The following COX10 variants were observed in gnomAD, a reference collection of about 807,000 sequenced individuals.
COX10 encodes the protein cytochrome c oxidase assembly factor heme A:farnesyltransferase COX10.
COX10 carries 27 observed loss-of-function variants against 37.3 expected under a neutral mutation model. The ratio of observed to expected loss-of-function variants is 0.72; its 90% CI spans 0.53 to 1.00. The LOEUF (loss-of-function observed/expected upper bound fraction) is 1.00, where lower values mean the gene tolerates loss of function less well. Ranked by LOEUF, COX10 falls within the 50% of genes least tolerant of loss-of-function variation. The probability of loss-of-function intolerance (pLI) is 0.00; values close to 1 mark genes in which losing one functional copy is unlikely to be tolerated. For missense variants in COX10, 475 were observed against 563.2 expected (o/e 0.84, Z 1.59); for synonymous variants, 222 against 229.1 (o/e 0.97, Z 0.28).
chr17:14,108,517 G>C lies in COX10; in HGVS notation c.624+6275G>C, dbSNP rs555023047. Reference sequence around the variant, plus strand: ...TAATTAGAAAGGTAAGTGTGACAAGGGTATGTTATCTTTGGGATCTAGTGT... The same window carrying C: ...TAATTAGAAAGGTAAGTGTGACAAGCGTATGTTATCTTTGGGATCTAGTGT... On this transcript the variant is annotated intron_variant, in intron 4 of 6. Transcript: ENST00000261643. Among the ~76,000 whole-genome samples, 19 of 152,078 alleles carry C rather than the reference G, an allele frequency of 1.2e-4. No homozygotes were observed. In the South Asian group the frequency reaches 3.7e-3, roughly 30 times the overall value.
At chr17:14,117,820 A>T (rs1259056806) in intron 4 of COX10, among the ~76,000 whole-genome samples, 1 of 152,148 alleles carries the variant, frequency 6.6e-6, no homozygotes, top group Non-Finnish European at 1.5e-5. Flanking sequence ...GGCTTTCTGT[A>T]TCCCACGTTC....
At chr17:14,204,460 C>T (rs1906635330) in intron 6 of COX10, among the ~76,000 whole-genome samples, 1 of 151,814 alleles carries the variant, frequency 6.6e-6, no homozygotes, top group African/African-American at 2.4e-5. Context: ...GATACCTCCT[C>T]CCTCTCTCCT....
chr17:14,072,744 T>G (rs146521328), intron 1 of COX10, among the ~76,000 whole-genome samples: 50 of 152,298 alleles, frequency 3.3e-4, no homozygotes, highest in African/African-American at 1.2e-3. Context: ...CTAAGAAAAT[T>G]GTGATGTATT....
intron 3 of COX10, among the ~76,000 whole-genome samples, chr17:14,099,200 G>C (rs1597500024): frequency 6.6e-6 from 1 of 152,056 alleles, no homozygotes; most frequent in East Asian, 1.9e-4. Flanking sequence ...AGGAGATTCA[G>C]ATGCACACCA....
chr17:14,104,524 A>G (rs1242481574), intron 4 of COX10, among the ~76,000 whole-genome samples: 2 of 152,170 alleles, frequency 1.3e-5, no homozygotes, highest in Non-Finnish European at 2.9e-5. Context: ...CTAGTGTTCA[A>G]ATTAAAAATA....
intron 6 of COX10, among the ~76,000 whole-genome samples, chr17:14,200,807 A>G (rs1282842644): frequency 6.6e-6 from 1 of 152,250 alleles, no homozygotes; most frequent in African/African-American, 2.4e-5. Context: ...AAATGGGAAG[A>G]TACAGTTAAA....
At position 14,090,030 on chromosome 17, in the gene COX10, T is replaced by C. The variant is rs530965529; in HGVS notation, c.500-12088T>C. Among the ~76,000 whole-genome samples the C allele has an allele frequency of 1.1e-4, 16 of 152,132 alleles. No individual in the cohort carries two copies. The South Asian group carries it at 3.3e-3, about 32-fold the overall frequency. On this transcript the variant is annotated intron_variant, in intron 3 of 6. Coordinates refer to ENST00000261643, the MANE Select transcript of COX10 (RefSeq NM_001303.4). ...TGAATTCTTACCTTTTTTTGCTTCTTCTCTCCTCTGCCTGTTCTCCCGCTT... is the reference window on the plus strand; with the variant it reads ...TGAATTCTTACCTTTTTTTGCTTCTCCTCTCCTCTGCCTGTTCTCCCGCTT...
intron 4 of COX10, among the ~76,000 whole-genome samples, chr17:14,117,514 A>C (rs994709086): frequency 6.6e-6 from 1 of 152,198 alleles, no homozygotes; most frequent in Non-Finnish European, 1.5e-5. Flanking sequence ...ATCACATCCT[A>C]TATCTCTGAA....
chr17:14,158,209 T>A (rs1905086972), intron 4 of COX10, among the ~76,000 whole-genome samples: 1 of 151,864 alleles, frequency 6.6e-6, no homozygotes, highest in South Asian at 2.1e-4. Flanking sequence ...AAAATGTCAT[T>A]GTGTTTAGGA....
chr17:14,100,593 G>A (rs1915754641), intron 3 of COX10, among the ~76,000 whole-genome samples: 1 of 152,176 alleles, frequency 6.6e-6, no homozygotes, highest in African/African-American at 2.4e-5. Context: ...ACAAGAAAGA[G>A]CTTGGAATGC....
chr17:14,150,963 G>A (rs1370647557), intron 4 of COX10, among the ~76,000 whole-genome samples: 2 of 152,134 alleles, frequency 1.3e-5, no homozygotes, highest in East Asian at 1.9e-4. Flanking sequence ...TTTGTCTTTT[G>A]TTGTCAGCAC....
chr17:14,098,610 AG>A (rs1485065572), intron 3 of COX10, among the ~76,000 whole-genome samples: 5 of 152,188 alleles, frequency 3.3e-5, no homozygotes, highest in Admixed American at 1.3e-4. Flanking sequence ...CTTTAAAAAT[AG>A]TGCCTTTCTT....
rs566023487 is a variant in COX10, at chr17:14,175,647, G to A, written c.695+15700G>A. ...CTGATCCCTGCCTTCATTCCAGTCC[G>A]GTGGAGAAGGTAGAACTTTAGCCAG... On this transcript the variant is annotated intron_variant, in intron 5 of 6. Transcript: ENST00000261643. Among the ~76,000 whole-genome samples the A allele has an allele frequency of 5.9e-5, 9 of 152,144 alleles. No homozygotes were observed. In the South Asian group the frequency reaches 1.7e-3, roughly 28 times the overall value.
intron 4 of COX10, among the ~76,000 whole-genome samples, chr17:14,133,553 G>A (rs914795681): frequency 2.6e-5 from 4 of 151,526 alleles, no homozygotes; most frequent in Admixed American, 2.6e-4. Context: ...TATACTCAGT[G>A]TAATATAAAA....
chr17:14,145,207 T>C (rs1463660780), intron 4 of COX10, among the ~76,000 whole-genome samples: 2 of 151,962 alleles, frequency 1.3e-5, no homozygotes, highest in Admixed American at 6.6e-5. Flanking sequence ...GGGGGCGCTG[T>C]GTAGAAACAT....
chr17:14,113,383 C>T (rs113895495), intron 4 of COX10, among the ~76,000 whole-genome samples: 1,687 of 152,108 alleles, frequency 0.011, 14 homozygotes, highest in South Asian at 0.016. Flanking sequence ...GTCTTGACTC[C>T]TCCACCCCAA....
chr17:14,072,584 A>G (rs1225802553), intron 1 of COX10, among the ~76,000 whole-genome samples: 2 of 152,134 alleles, frequency 1.3e-5, no homozygotes, highest in Non-Finnish European at 2.9e-5. Context: ...CGAACTCCTA[A>G]CCTCAGGTAA....
chr17:14,173,730 G>A (rs1296804121), intron 5 of COX10, among the ~76,000 whole-genome samples: 2 of 152,192 alleles, frequency 1.3e-5, no homozygotes, highest in African/African-American at 4.8e-5. Context: ...GCAAGAGAGA[G>A]AAAGAAAAGG....
chr17:14,183,760 T>C (rs1597541146), intron 5 of COX10, among the ~76,000 whole-genome samples: 1 of 152,264 alleles, frequency 6.6e-6, no homozygotes, highest in South Asian at 2.1e-4. Context: ...TCTATTTAAA[T>C]AGGTCCTTCC....
Sources: allele counts gnomAD v4.1 joint callset (sites outside exome capture counted in the v4.1 genomes callset), GRCh38; gene constraint gnomAD v4.1.1; transcripts MANE v1.5; gene names NCBI Gene and HGNC (gene_info 2026-07-23, HGNC 2026-07-21).